THOC5: variants seen among roughly 807,000 people sequenced by gnomAD.
THOC5 encodes THO complex subunit 5, also known as Fms-interacting protein.
A neutral mutation model predicts 92.9 loss-of-function variants in THOC5; 43 were observed. The ratio of observed to expected loss-of-function variants is 0.46; its 90% CI spans 0.36 to 0.60. THOC5 has a LOEUF of 0.60. THOC5 is among the 20% of genes least tolerant of loss of function. The pLI is 0.00. For missense variants in THOC5, 659 were observed against 849.4 expected (o/e 0.78, Z 2.79); for synonymous variants, 296 against 320.1 (o/e 0.92, Z 0.80).
intron 17 of THOC5, among the ~76,000 whole-genome samples, chr22:29,516,154 A>G (rs1215410421): frequency 6.6e-6 from 1 of 151,932 alleles, no homozygotes; most frequent in East Asian, 1.9e-4. Context: ...ACTGAAAAAA[A>G]AAAAAAAAAG....
In THOC5 at chr22:29,506,375, T is replaced by A. The variant is rs1038418297; in HGVS notation, c.*2082A>T. The A allele has an allele frequency of 2.6e-5, 4 of 152,208 alleles. No individual in the cohort carries two copies. The highest frequency in any genetic ancestry group is 9.7e-5 in the African/African-American group (4 of 41,444). 9.4% of individuals were successfully genotyped at this position (152,208 alleles called of 1,614,324 possible). A position where few individuals can be genotyped will look rare whatever the true frequency, so the allele number is the denominator to read the frequency against. ...ATTTTGAGGCACTTTTGTCATTACC[T>A]TAAAGACTCTACTCAGGCCGGGTGT... On this transcript the variant is annotated 3_prime_UTR_variant, in exon 20 of 20. Coordinates refer to ENST00000490103, the MANE Select transcript of THOC5 (RefSeq NM_003678.5).
chr22:29,518,428 G>A (rs143185622), intron 15 of THOC5, among the ~76,000 whole-genome samples: 132 of 152,284 alleles, frequency 8.7e-4, no homozygotes, highest in Middle Eastern at 3.4e-3. Context: ...ACTAAAAGAA[G>A]CCCCCAAATG....
chr22:29,543,025 C>G, intron 4 of THOC5, 69 bp from the exon 5 acceptor site: 1 of 1,137,056 alleles, frequency 8.8e-7, no homozygotes, highest in East Asian at 2.4e-5. Context: ...GGTCAGCAAA[C>G]TAAGAGAAGG....
intron 12 of THOC5, among the ~76,000 whole-genome samples, chr22:29,523,715 T>G (rs966390910): frequency 9.2e-5 from 14 of 152,258 alleles, no homozygotes; most frequent in Middle Eastern, 3.4e-3. Context: ...CTTTGCTCAT[T>G]GGCAATGTAT....
intron 11 of THOC5, 33 bp downstream of exon 11, chr22:29,528,045 C>T (rs765663414): frequency 1.3e-5 from 21 of 1,610,020 alleles, no homozygotes; most frequent in Non-Finnish European, 2.6e-6. Flanking sequence ...TTAGGTGCTA[C>T]AGATCCCTTA....
At chr22:29,537,663 A>C (rs557132516) in intron 6 of THOC5, among the ~76,000 whole-genome samples, 1 of 152,182 alleles carries the variant, frequency 6.6e-6, no homozygotes, top group East Asian at 1.9e-4. Flanking sequence ...AAGCCGAGGC[A>C]GGTGAATCAC....
chr22:29,537,602 C>G (rs570514370), intron 6 of THOC5, among the ~76,000 whole-genome samples: 2 of 152,046 alleles, frequency 1.3e-5, no homozygotes, highest in East Asian at 3.9e-4. Flanking sequence ...ATTAAAAATA[C>G]AAAAATTGGC....
Position 29,508,171 on chromosome 22 carries a change from C to G in THOC5, c.*286G>C, listed in dbSNP as rs2063155859. ...AGGGTGTGCGTAGACAAGAGGTGAGCATCTCTCTGCAGAATTGGAATCTTT... is the reference window on the plus strand; with the variant it reads ...AGGGTGTGCGTAGACAAGAGGTGAGGATCTCTCTGCAGAATTGGAATCTTT... On this transcript the variant is annotated 3_prime_UTR_variant, in exon 20 of 20. Coordinates refer to ENST00000490103, the MANE Select transcript of THOC5 (RefSeq NM_003678.5). The G allele has an allele frequency of 2.1e-6, 1 of 466,978 alleles. No homozygotes were observed. The highest frequency in any genetic ancestry group is 3.9e-6 in the Non-Finnish European group (1 of 259,200). The allele number at this position is 466,978 out of a possible 1,614,324, so 28.9% of individuals were successfully genotyped here.
intron 11 of THOC5, among the ~76,000 whole-genome samples, chr22:29,527,272 T>C (rs2063562572): frequency 6.6e-6 from 1 of 151,904 alleles, no homozygotes; most frequent in African/African-American, 2.4e-5. Context: ...ATACAAAAAT[T>C]AACTGGCATG....
rs201730938 is a variant in THOC5 at position 29,542,809 on chromosome 22, G to A, written c.452+50C>T. The A allele has an allele frequency of 4.2e-5, 52 of 1,252,746 alleles. No individual in the cohort carries two copies. The African/African-American group carries it at 7.0e-4, about 17-fold the overall frequency. 77.6% of individuals were successfully genotyped at this position (1,252,746 alleles called of 1,614,324 possible). On this transcript the variant is annotated intron_variant, in intron 5 of 19. Transcript: ENST00000490103. ...CTTACAGTGAGCTACATGGGAAAAA[G>A]CAGTTACCGAAAGACCACATGTGCC...
At chr22:29,552,313 C>T (rs1184146713) in intron 1 of THOC5, among the ~76,000 whole-genome samples, 7 of 151,614 alleles carry the variant, frequency 4.6e-5, no homozygotes, top group African/African-American at 1.2e-4. Flanking sequence ...CACCTCTTCC[C>T]GGACCCCATC....
At chr22:29,510,847 T>C (rs770186403) in intron 19 of THOC5, among the ~76,000 whole-genome samples, 3 of 152,136 alleles carry the variant, frequency 2.0e-5, no homozygotes, top group African/African-American at 2.4e-5. Context: ...AAAAGCTTAT[T>C]TGGACACTAA....
At position 29,536,519 on chromosome 22, in the gene THOC5, T is replaced by A. The variant is rs1451358953; in HGVS notation, c.714+105A>T. ...TGCAGACAAGGCCATCCTTATACTA[T>A]ACTCTAATTTAGGGTAATAGACCTG... On this transcript the variant is annotated intron_variant, in intron 7 of 19. Coordinates refer to ENST00000490103, the MANE Select transcript of THOC5 (RefSeq NM_003678.5). 8.6e-6 allele frequency: 6 copies of A among 695,978 alleles called. No individual in the cohort carries two copies. The Admixed American group carries it at 1.3e-4, about 16-fold the overall frequency. The allele number at this position is 695,978 out of a possible 1,614,324, so 43.1% of individuals were successfully genotyped here.
chr22:29,531,688 T>C, intron 8 of THOC5, 143 bp downstream of exon 8: 2 of 1,469,802 alleles, frequency 1.4e-6, no homozygotes, highest in Non-Finnish European at 1.8e-6. Flanking sequence ...TGCTGGGCAA[T>C]GCAGAGGGAA....
At chr22:29,523,462 A>G (rs2063484562) in intron 12 of THOC5, among the ~76,000 whole-genome samples, 1 of 152,130 alleles carries the variant, frequency 6.6e-6, no homozygotes. Context: ...AAAAATTTCG[A>G]AAACCTAATC....
chr22:29,531,097 G>T (rs557265248), intron 8 of THOC5: 266 of 1,185,934 alleles, frequency 2.2e-4, no homozygotes, highest in Non-Finnish European at 2.7e-4. Flanking sequence ...GGGGCTGGGA[G>T]GATTTCATAT....
chr22:29,517,162 G>T, intron 16 of THOC5, 46 bp from the exon 17 acceptor site: 1 of 1,610,624 alleles, frequency 6.2e-7, no homozygotes, highest in Non-Finnish European at 8.5e-7. Flanking sequence ...GGCTCCTCTG[G>T]TTAAACCCCC....
At chr22:29,516,520 C>T (rs183086997) in intron 17 of THOC5, among the ~76,000 whole-genome samples, 191 of 152,302 alleles carry the variant, frequency 1.3e-3, no homozygotes, top group African/African-American at 4.2e-3. Context: ...AACACAACAT[C>T]CCAGGACTTC....
intron 6 of THOC5, 134 bp downstream of exon 6, chr22:29,539,196 G>A: frequency 2.2e-6 from 2 of 889,644 alleles, no homozygotes; most frequent in Non-Finnish European, 3.4e-6. Context: ...ACTATCCAGT[G>A]TGATTTAATC....
Sources: allele counts gnomAD v4.1 joint callset (sites outside exome capture counted in the v4.1 genomes callset), GRCh38; gene constraint gnomAD v4.1.1; transcripts MANE v1.5; gene names NCBI Gene and HGNC (gene_info 2026-07-23, HGNC 2026-07-21).